Variants in ATP2B2 observed in about 807,000 individuals in gnomAD.
ATP2B2 encodes the protein plasma membrane calcium-transporting ATPase 2.
Under a neutral mutation model 120.0 loss-of-function variants are expected in ATP2B2, and 15 were observed. That is an observed-to-expected ratio of 0.12 (90% CI 0.08 to 0.19). The LOEUF is 0.19. Ranked by LOEUF, ATP2B2 falls within the 10% of genes least tolerant of loss-of-function variation. The probability of loss-of-function intolerance (pLI) is 1.00; values close to 1 mark genes in which losing one functional copy is unlikely to be tolerated. For missense variants in ATP2B2, 1,045 were observed against 1,719.8 expected, an observed-to-expected ratio of 0.61 and a Z score of 6.94; for synonymous variants, 694 against 700.3, an observed-to-expected ratio of 0.99 and a Z score of 0.14.
intron 1 of ATP2B2, among the ~76,000 whole-genome samples, chr3:10,478,218 G>C (rs1451177528): frequency 1.3e-5 from 2 of 152,046 alleles, no homozygotes; most frequent in African/African-American, 4.8e-5. Context: ...CTTTGAACTG[G>C]GTTGTCTTTT....
chr3:10,507,666 G>T (rs1160079440), upstream of ATP2B2, among the ~76,000 whole-genome samples: 2 of 152,196 alleles, frequency 1.3e-5, no homozygotes, highest in Non-Finnish European at 2.9e-5. Context: ...GAAGCAGCCT[G>T]TTATGAGCCA....
At chr3:10,393,493 T>G (rs9873742) in intron 5 of ATP2B2, among the ~76,000 whole-genome samples, 80,874 of 152,062 alleles carry the variant, frequency 0.53, 24,063 homozygotes, top group East Asian at 0.98. Context: ...AGATAGGGCA[T>G]CAGCTCAGGG....
chr3:10,353,278 C>T (rs2060627083), intron 14 of ATP2B2, among the ~76,000 whole-genome samples: 1 of 152,094 alleles, frequency 6.6e-6, no homozygotes, highest in Non-Finnish European at 1.5e-5. Context: ...TGAAGGAGCA[C>T]AGAGGGCACT....
At chr3:10,609,449 C>G (rs921591490) in intron 2 of ATP2B2, among the ~76,000 whole-genome samples, 4 of 152,224 alleles carry the variant, frequency 2.6e-5, no homozygotes, top group African/African-American at 9.6e-5. Flanking sequence ...GCGCGCCTGG[C>G]TGAAGCCGGG....
At chr3:10,498,274 C>T (rs2066235987) in intron 1 of ATP2B2, among the ~76,000 whole-genome samples, 1 of 152,242 alleles carries the variant, frequency 6.6e-6, no homozygotes, top group South Asian at 2.1e-4. Context: ...GATGTGACCC[C>T]AAGCAGCCTG....
At chr3:10,345,630 C>A in intron 17 of ATP2B2, 55 bp from the exon 18 acceptor site, 1 of 1,534,818 alleles carries the variant, frequency 6.5e-7, no homozygotes, top group East Asian at 2.3e-5. Flanking sequence ...GTGACCACTT[C>A]TAGCATCACC....
intron 2 of ATP2B2, among the ~76,000 whole-genome samples, chr3:10,584,233 G>A (rs879517937): frequency 7.2e-5 from 11 of 152,176 alleles, no homozygotes; most frequent in Non-Finnish European, 1.3e-4. Context: ...GGGAGGCAGA[G>A]GCCAGCTTGG....
At chr3:10,384,436 G>T (rs7637428) in intron 8 of ATP2B2, among the ~76,000 whole-genome samples, 2,256 of 152,280 alleles carry the variant, frequency 0.015, 60 homozygotes, top group African/African-American at 0.051. Context: ...TTTATTTGGG[G>T]ATAGGGGTGG....
chr3:10,451,815 C>A (rs1001369471), intron 1 of ATP2B2, among the ~76,000 whole-genome samples: 1 of 152,198 alleles, frequency 6.6e-6, no homozygotes, highest in Non-Finnish European at 1.5e-5. Flanking sequence ...TTGACCCCAA[C>A]AATGTATTCC....
chr3:10,564,261 C>T (rs1345068036), intron 2 of ATP2B2, among the ~76,000 whole-genome samples: 1 of 152,204 alleles, frequency 6.6e-6, no homozygotes, highest in South Asian at 2.1e-4. Context: ...CTGGGCTGTC[C>T]TATTTGGCTT....
chr3:10,424,183 G>C (rs1300073072), intron 2 of ATP2B2, among the ~76,000 whole-genome samples: 1 of 152,152 alleles, frequency 6.6e-6, no homozygotes, highest in Non-Finnish European at 1.5e-5. Context: ...CATTCTCCTG[G>C]CCATTCTGTA....
At chr3:10,687,148 G>C (rs1292854947) in intron 1 of ATP2B2, among the ~76,000 whole-genome samples, 1 of 152,224 alleles carries the variant, frequency 6.6e-6, no homozygotes, top group East Asian at 1.9e-4. Flanking sequence ...AGGGATTAAA[G>C]AGCAGGAGTT....
chr3:10,573,333 G>A (rs987646303), intron 2 of ATP2B2, among the ~76,000 whole-genome samples: 1 of 152,180 alleles, frequency 6.6e-6, no homozygotes, highest in African/African-American at 2.4e-5. Context: ...TCGAAGAGCT[G>A]TTGCTATTTT....
intron 11 of ATP2B2, among the ~76,000 whole-genome samples, chr3:10,372,337 G>A (rs1056347149): frequency 1.3e-5 from 2 of 152,102 alleles, no homozygotes; most frequent in Non-Finnish European, 2.9e-5. Flanking sequence ...CATTCTTTAC[G>A]GGAAGAAGGG....
intron 1 of ATP2B2, among the ~76,000 whole-genome samples, chr3:10,683,764 A>G (rs111717485): frequency 0.15 from 3,742 of 25,068 alleles, 85 homozygotes; most frequent in African/African-American, 0.17. Flanking sequence ...GTGTGTGTAT[A>G]TATATATATA....
Position 10,486,488 on chromosome 3 carries a change from A to G in ATP2B2, c.-320+18977T>C, listed in dbSNP as rs114919925. ...TCATCTACCTCTCTCCCCTTCACAC[A>G]TTTTGCTGCAGTCACAACAGCTGGA... On this transcript the variant is annotated intron_variant, in intron 1 of 22. Coordinates refer to ENST00000360273, the MANE Select transcript of ATP2B2 (RefSeq NM_001001331.4). Among the ~76,000 whole-genome samples the G allele has an allele frequency of 5.9e-3, 890 of 151,902 alleles. 15 individuals are homozygous for G. The highest frequency in any genetic ancestry group is 0.021 in the African/African-American group (851 of 41,370).
intron 22 of ATP2B2, chr3:10,332,172 T>C (rs2059998551): frequency 2.6e-6 from 2 of 773,976 alleles, no homozygotes; most frequent in South Asian, 3.0e-5. Context: ...TCCAGCTTTC[T>C]TCCCTTTTTG....
At chr3:10,399,836 C>T (rs924597351) in intron 5 of ATP2B2, among the ~76,000 whole-genome samples, 1 of 152,246 alleles carries the variant, frequency 6.6e-6, no homozygotes, top group African/African-American at 2.4e-5. Context: ...CTTCAAAACC[C>T]AGCTCAACGC....
At chr3:10,496,530 C>T (rs1203148883) in intron 1 of ATP2B2, among the ~76,000 whole-genome samples, 1 of 152,224 alleles carries the variant, frequency 6.6e-6, no homozygotes, top group South Asian at 2.1e-4. Flanking sequence ...TCAGCTGAGG[C>T]CACACGCTTG....
Sources: gnomAD v4.1 joint callset for allele counts (sites outside exome capture counted in the v4.1 genomes callset) on GRCh38, gnomAD v4.1.1 for gene constraint, MANE v1.5 for transcripts, NCBI Gene and HGNC (gene_info 2026-07-23, HGNC 2026-07-21) for gene names.